Variants in SLC6A18 observed in about 807,000 individuals in gnomAD.
The protein encoded by SLC6A18 is inactive sodium-dependent neutral amino acid transporter B(0)AT3.
In SLC6A18, 58 loss-of-function variants were observed where a neutral mutation model predicts 62.9. The ratio of observed to expected loss-of-function variants is 0.92; its 90% confidence interval spans 0.75 to 1.15. The LOEUF is 1.15. Among genes scored for constraint, SLC6A18 ranks in the 50% most tolerant of loss-of-function variants. The pLI is 0.00. For missense variants in SLC6A18, 793 were observed against 836.6 expected (o/e 0.95, Z 0.64); for synonymous variants, 382 against 365.8 (o/e 1.04, Z -0.51).
At chr5:1,235,435 G>T in intron 3 of SLC6A18, 46 bp from the exon 4 acceptor site, 3 of 1,590,646 alleles carry the variant, frequency 1.9e-6, no homozygotes, top group Non-Finnish European at 2.6e-6. Flanking sequence ...CATGGTGAGG[G>T]TGCCTACGCC....
At chr5:1,244,177 T>TTCCCCCCCCCCCCCCTTCC in intron 9 of SLC6A18, 37 bp from the exon 10 acceptor site, 2 of 387,120 alleles carry the variant, frequency 5.2e-6, no homozygotes, top group South Asian at 5.0e-5. Flanking sequence ...CCACTCCCCA[T>TTCCCCCCCCCCCCCCTTCC]CCCCTTACCC....
rs7728667 is a variant in SLC6A18 at position 1,225,511 on chromosome 5, T to C, written c.34T>C (p.Cys12Arg). ...TGCCCCAGAACCGGACCCGGCCGCC[T>C]GCGACCTCGGGGATGAGAGGCCCAA... ...AHAPEPDPAA[C>R]DLGDERPKWD... is the part of the protein sequence containing the mutation. Residue 12 changes from cysteine (C) to arginine (R), a missense_variant, in exon 1 of 12, where the codon TGC becomes CGC. Coordinates refer to ENST00000324642, the MANE Select transcript of SLC6A18 (RefSeq NM_182632.3). The C allele has an allele frequency of 1.2e-6, 2 of 1,613,394 alleles. No individual in the cohort carries two copies. Among genetic ancestry groups the C allele is most frequent in the African/African-American group, 2.7e-5 (2 of 74,946 alleles).
chr5:1,225,464 G>A lies in SLC6A18; in HGVS notation c.-14G>A, dbSNP rs1746529552. The A allele has an allele frequency of 6.2e-7, 1 of 1,607,520 alleles. No individual in the cohort carries two copies. The highest frequency in any genetic ancestry group is 1.1e-5 in the South Asian group (1 of 90,436). ...GCACCACCCTTGCCCTGAAGCCTGG[G>A]GCACTCAGTCACCATGGCTCATGCC... On this transcript the variant is annotated 5_prime_UTR_variant, in exon 1 of 12. Transcript: ENST00000324642.
intron 5 of SLC6A18, 30 bp downstream of exon 5, chr5:1,238,090 C>T (rs757012671): frequency 2.6e-6 from 4 of 1,529,218 alleles, no homozygotes. Context: ...AAGTTCAGGG[C>T]CTCCAGCACA....
Position 1,243,752 on chromosome 5 carries a change from C to T in SLC6A18, c.1329C>T (p.Ala443=). ...TGCCTAGATGGGTCCCCAAGGAGGC[C>T]CTGACTGGTGAGCGCACAGCTCCGC... The part of the protein sequence containing the change: ...GVLPRWVPKE[A]LTGLVCLVCF... Residue 443 remains alanine (A), a synonymous_variant, in exon 9 of 12, where the codon GCC becomes GCT. Transcript: ENST00000324642. This position sits in a 1 kb window ranked among gnomAD's most constrained non-coding sequence, Gnocchi z 6.5. The T allele has an allele frequency of 6.2e-7, 1 of 1,605,300 alleles. No homozygotes were observed. The highest frequency in any genetic ancestry group is 1.1e-5 in the South Asian group (1 of 90,390).
intron 7 of SLC6A18, among the ~76,000 whole-genome samples, chr5:1,240,945 CAGA>C (rs1747040050): frequency 1.3e-5 from 2 of 152,172 alleles, no homozygotes; most frequent in Non-Finnish European, 2.9e-5. Flanking sequence ...GAGACAGACA[CAGA>C]GGAGGAGGCC....
At chr5:1,237,473 C>CCT (rs1746913946) in intron 4 of SLC6A18, among the ~76,000 whole-genome samples, 1 of 152,052 alleles carries the variant, frequency 6.6e-6, no homozygotes, top group Admixed American at 6.6e-5. Flanking sequence ...AGGAAGAAGA[C>CCT]TCTGGCCACA....
rs571423727 is a variant in SLC6A18, at chr5:1,233,152, C to T, written c.439+264C>T. Among the ~76,000 whole-genome samples the T allele has an allele frequency of 7.2e-5, 11 of 152,320 alleles. No homozygotes were observed. In the South Asian group the frequency reaches 1.0e-3, roughly 14 times the overall value. ...GGTCCCCTTGCAGCCATGTGCATGG[C>T]GTGGTCATGCGAGGGCACTGCTGTT... On this transcript the variant is annotated intron_variant, in intron 3 of 11. Transcript: ENST00000324642.
At chr5:1,238,415 G>GAGGAGGACTTC (rs1451924510) in intron 5 of SLC6A18, among the ~76,000 whole-genome samples, 1 of 70,008 alleles carries the variant, frequency 1.4e-5, no homozygotes, top group African/African-American at 1.1e-4. Context: ...AGTGGGCCTG[G>GAGGAGGACTTC]GGCCTCAGGA....
Position 1,232,358 on chromosome 5 carries a change from A to T in SLC6A18, c.300A>T (p.Val100=). 6.2e-7 allele frequency: 1 copy of T among 1,609,510 alleles called. No individual in the cohort carries two copies. Among genetic ancestry groups the T allele is most frequent in the Non-Finnish European group, 8.5e-7 (1 of 1,178,886 alleles). ...CCATCTCCCCGTACCTCAGTGGAGT[A>T]GGTAGGCCACCGTCCTCGCTTGCCC... is the stretch of plus-strand genomic sequence containing the variant. The part of the protein sequence containing the change: ...WTAISPYLSG[V]GLGCVTLSFL... The change falls in exon 2 of 12, where the codon GTA becomes GTT. Residue 100 remains valine, a splice_region_variant and synonymous_variant. Transcript: ENST00000324642.
intron 11 of SLC6A18, among the ~76,000 whole-genome samples, chr5:1,245,249 G>A (rs139450182): frequency 2.3e-4 from 35 of 152,258 alleles, no homozygotes; most frequent in African/African-American, 5.3e-4. Context: ...AAAGCCTCCC[G>A]AGGAGAGATC....
rs1747119148 is a variant in SLC6A18, at chr5:1,243,406, C to T, written c.1132-149C>T. The T allele has an allele frequency of 1.8e-5, 15 of 852,366 alleles. No homozygotes were observed. The highest frequency in any genetic ancestry group is 2.7e-5 in the Non-Finnish European group (15 of 548,824). 52.8% of individuals were successfully genotyped at this position (852,366 alleles called of 1,614,324 possible). On this transcript the variant is annotated intron_variant, in intron 8 of 11. Transcript: ENST00000324642. This position sits in a 1 kb window ranked among gnomAD's most constrained non-coding sequence, Gnocchi z 6.5. ...AGCCTCGTCTCCCAGAAGGCATGGC[C>T]AGCCCTGAGCCACCTCAGCCCGACA...
intron 10 of SLC6A18, 72 bp downstream of exon 10, chr5:1,244,445 G>T: frequency 1.3e-6 from 2 of 1,589,922 alleles, no homozygotes; most frequent in African/African-American, 2.7e-5. Context: ...GCCGGGCACA[G>T]GTTCAACCCG....
At position 1,229,810 on chromosome 5, in the gene SLC6A18, C is replaced by T. The variant is rs901035653; in HGVS notation, c.161-2409C>T. Among the ~76,000 whole-genome samples the T allele has an allele frequency of 4.2e-5, 6 of 143,076 alleles. No homozygotes were observed. In the East Asian group the frequency reaches 6.3e-4, roughly 15 times the overall value. The allele number at this position is 143,076 out of a possible 152,430, so 93.9% of individuals were successfully genotyped here. On this transcript the variant is annotated intron_variant, in intron 1 of 11. Coordinates refer to ENST00000324642, the MANE Select transcript of SLC6A18 (RefSeq NM_182632.3). ...GGGGGGAAGTGATGTTTTCACAGTG[C>T]AGGCTGAACAGGGGAAAGGTAAGAG...
At chr5:1,231,914 A>G (rs1036029588) in intron 1 of SLC6A18, among the ~76,000 whole-genome samples, 2 of 152,180 alleles carry the variant, frequency 1.3e-5, no homozygotes, top group Non-Finnish European at 2.9e-5. Flanking sequence ...TCCCTCAGCA[A>G]ACGCAACACA....
At chr5:1,237,625 G>A (rs1349618358) in intron 4 of SLC6A18, among the ~76,000 whole-genome samples, 3 of 152,148 alleles carry the variant, frequency 2.0e-5, no homozygotes, top group African/African-American at 7.2e-5. Context: ...GCCAGGGAGG[G>A]AGTTTGGCCC....
rs562465160 is a variant in SLC6A18, at chr5:1,231,876, A to G, written c.161-343A>G. ...ACTGCCGGCCACAGCAGCCCCCAGGAAAAGGCAGGTGCCTCAAACAATGCT... is the reference window on the plus strand; with the variant it reads ...ACTGCCGGCCACAGCAGCCCCCAGGGAAAGGCAGGTGCCTCAAACAATGCT... On this transcript the variant is annotated intron_variant, in intron 1 of 11. Coordinates refer to ENST00000324642, the MANE Select transcript of SLC6A18 (RefSeq NM_182632.3). Among the ~76,000 whole-genome samples the G allele has an allele frequency of 3.3e-5, 5 of 152,278 alleles. No homozygotes were observed. In the South Asian group the frequency reaches 1.0e-3, roughly 32 times the overall value.
chr5:1,233,342 G>C (rs1369820224), intron 3 of SLC6A18, among the ~76,000 whole-genome samples: 1 of 152,174 alleles, frequency 6.6e-6, no homozygotes, highest in Non-Finnish European at 1.5e-5. Flanking sequence ...GCCAGGCATG[G>C]TGGCGGGCAT....
intron 3 of SLC6A18, among the ~76,000 whole-genome samples, chr5:1,233,748 A>ATTTTTTTTTT: frequency 9.9e-6 from 1 of 100,670 alleles, no homozygotes; most frequent in African/African-American, 3.5e-5. Flanking sequence ...ACACTCAGCT[A>ATTTTTTTTTT]ATTTTTTTTT....
Sources: gnomAD v4.1 joint callset for allele counts (sites outside exome capture counted in the v4.1 genomes callset) on GRCh38, gnomAD v4.1.1 for gene constraint, Gnocchi (gnomAD v3.1) non-coding constraint, MANE v1.5 for transcripts, NCBI Gene and HGNC (gene_info 2026-07-23, HGNC 2026-07-21) for gene names.